ATP13A5: variants seen among roughly 807,000 people sequenced by gnomAD.
ATP13A5 encodes the protein probable cation-transporting ATPase 13A5.
Under a neutral mutation model 150.2 loss-of-function variants are expected in ATP13A5, and 149 were observed. That is an observed-to-expected ratio of 0.99 (90% CI 0.87 to 1.14). ATP13A5 has a LOEUF of 1.14. ATP13A5 is among the 50% of genes most tolerant of loss of function. The pLI is 0.00. For missense variants in ATP13A5, 1,383 were observed against 1,449.3 expected (o/e 0.95, Z 0.74); for synonymous variants, 497 against 522.2 (o/e 0.95, Z 0.66).
At chr3:193,299,352 A>T in intron 24 of ATP13A5, 149 bp from the exon 25 acceptor site, 1 of 594,546 alleles carries the variant, frequency 1.7e-6, no homozygotes, top group East Asian at 3.0e-5. Flanking sequence ...AATTATTAGC[A>T]TCTCATTTTG....
At chr3:193,276,494 A>G (rs761604732) in intron 29 of ATP13A5, among the ~76,000 whole-genome samples, 3 of 152,256 alleles carry the variant, frequency 2.0e-5, no homozygotes, top group Non-Finnish European at 4.4e-5. Context: ...CAGTGCATTC[A>G]TGGAAGCAAA....
intron 7 of ATP13A5, among the ~76,000 whole-genome samples, chr3:193,346,049 C>T (rs758726396): frequency 3.9e-5 from 6 of 152,026 alleles, no homozygotes; most frequent in Non-Finnish European, 7.4e-5. Flanking sequence ...GCTGTTAAGT[C>T]GTGAATCTTG....
chr3:193,314,143 G>C lies in ATP13A5; in HGVS notation c.2209C>G (p.Pro737Ala). 6.2e-7 allele frequency: 1 copy of C among 1,613,856 alleles called. No homozygotes were observed. The highest frequency in any genetic ancestry group is 8.5e-7 in the Non-Finnish European group (1 of 1,179,844). ...ACAATGATCACTTGGCTGCCTGGAG[G>C]GATCATTTCAGAATTCTTTGCAACA... is the stretch of plus-strand genomic sequence containing the variant. Reference protein sequence around the residue: ...ITVAKNSEMIPPGSQVIIVEA... With the variant: ...ITVAKNSEMIAPGSQVIIVEA... The change falls in exon 19 of 30, where the codon CCT becomes GCT. Residue 737 changes from proline (P) to alanine (A), a missense_variant. This residue lies in a region of ATP13A5 where 568 missense variants were observed against 621.5 expected (regional missense o/e 0.91). Coordinates refer to ENST00000342358, the MANE Select transcript of ATP13A5 (RefSeq NM_198505.4).
rs1045227726 is a variant in ATP13A5 at position 193,363,401 on chromosome 3, T to C, written c.238-19A>G. On this transcript the variant is annotated intron_variant, in intron 2 of 29. Transcript: ENST00000342358. ...ATTCGTCCTGGAAAAGACAATCCAG[T>C]TCATGAAATTCTCAAGTGTTATTCA... 1 of 1,604,626 alleles carries C rather than the reference T, an allele frequency of 6.2e-7. No individual in the cohort carries two copies. Among genetic ancestry groups the C allele is most frequent in the Non-Finnish European group, 8.5e-7 (1 of 1,174,788 alleles).
At chr3:193,288,818 A>G (rs1359531607) in intron 26 of ATP13A5, among the ~76,000 whole-genome samples, 1 of 152,116 alleles carries the variant, frequency 6.6e-6, no homozygotes, top group Non-Finnish European at 1.5e-5. Context: ...AGTCCAATAT[A>G]CTTACATTAA....
At chr3:193,376,524 T>C (rs1279412385) in intron 1 of ATP13A5, among the ~76,000 whole-genome samples, 1 of 152,194 alleles carries the variant, frequency 6.6e-6, no homozygotes, top group African/African-American at 2.4e-5. Context: ...GGGTCTCTTT[T>C]CTTTTTTTAA....
At chr3:193,346,600 C>A (rs1452076520) in intron 7 of ATP13A5, among the ~76,000 whole-genome samples, 2 of 152,002 alleles carry the variant, frequency 1.3e-5, no homozygotes, top group African/African-American at 4.8e-5. Context: ...AACTTTTTTT[C>A]TTTTAGCTGT....
rs966029195 is a variant in ATP13A5, at chr3:193,331,157, A to G, written c.1427T>C (p.Met476Thr). 3 of 1,613,860 alleles carry G rather than the reference A, an allele frequency of 1.9e-6. No homozygotes were observed. The highest frequency in any genetic ancestry group is 1.3e-5 in the African/African-American group (1 of 75,014). Residue 476 changes from methionine (M) to threonine (T), a missense_variant, in exon 12 of 30, where the codon ATG (methionine) becomes ACG (threonine). By Grantham distance (81) the Met-to-Thr change is moderately conservative. This residue lies in a region of ATP13A5 where 787 missense variants were observed against 771.9 expected (regional missense o/e 1.02). Coordinates refer to ENST00000342358, the MANE Select transcript of ATP13A5 (RefSeq NM_198505.4). ...IFCISPQRIN[M>T]CGQINLVCFD... ...GCACACGAGGTTTATTTGCCCACAC[A>G]TGTTGATTCTCTGTGGGGAGATACA...
At chr3:193,313,139 A>G (rs561593632) in intron 19 of ATP13A5, 1 of 152,374 alleles carries the variant, frequency 6.6e-6, no homozygotes, top group African/African-American at 2.4e-5. Context: ...CAAGGAAATA[A>G]GCACCAGAAA....
chr3:193,287,918 A>G (rs1034460781), intron 26 of ATP13A5, among the ~76,000 whole-genome samples: 2 of 152,162 alleles, frequency 1.3e-5, no homozygotes, highest in African/African-American at 2.4e-5. Context: ...AAACATCAAC[A>G]TTAATGGAAG....
chr3:193,299,288 A>G (rs1004078983), intron 24 of ATP13A5, 85 bp from the exon 25 acceptor site: 35 of 1,030,856 alleles, frequency 3.4e-5, no homozygotes, highest in Admixed American at 2.1e-4. Flanking sequence ...TTAAGTCGTT[A>G]GGAGGCAGCT....
At chr3:193,370,847 T>C (rs1713414102) in intron 1 of ATP13A5, among the ~76,000 whole-genome samples, 2 of 152,326 alleles carry the variant, frequency 1.3e-5, no homozygotes, top group African/African-American at 4.8e-5. Flanking sequence ...GTCTTGGAAA[T>C]GTATGTTCAA....
intron 21 of ATP13A5, among the ~76,000 whole-genome samples, chr3:193,309,428 C>G (rs1007263926): frequency 6.6e-6 from 1 of 152,126 alleles, no homozygotes; most frequent in African/African-American, 2.4e-5. Flanking sequence ...AAGATATATG[C>G]CTTATGGCCC....
At chr3:193,344,152 A>C in intron 8 of ATP13A5, 97 bp from the exon 9 acceptor site, 1 of 1,463,942 alleles carries the variant, frequency 6.8e-7, no homozygotes, top group Non-Finnish European at 9.2e-7. Flanking sequence ...GTTGGCCAAG[A>C]GCTACCCTAC....
chr3:193,331,795 A>G (rs1453237328), intron 11 of ATP13A5, among the ~76,000 whole-genome samples: 1 of 152,192 alleles, frequency 6.6e-6, no homozygotes, highest in Non-Finnish European at 1.5e-5. Context: ...GTATTAGGCT[A>G]CGTATATTAT....
In ATP13A5 at chr3:193,275,234, A is replaced by G; in HGVS notation, c.3465T>C (p.Ser1155=). The G allele has an allele frequency of 1.2e-6, 2 of 1,614,120 alleles. No individual in the cohort carries two copies. The highest frequency in any genetic ancestry group is 1.7e-6 in the Non-Finnish European group (2 of 1,180,034). ...IKREFGFYSK[S]QYRTWQKKLA... is the part of the protein sequence containing the mutation. ...GCTTCTTTTGCCAAGTCCTATATTG[A>G]CTTTTAGAGTAGAATCCAAATTCTC... is the stretch of plus-strand genomic sequence containing the variant. The change falls in exon 30 of 30, where the codon AGT becomes AGC. Residue 1155 remains serine (S), a synonymous_variant. Coordinates refer to ENST00000342358, the MANE Select transcript of ATP13A5 (RefSeq NM_198505.4).
chr3:193,312,241 T>C (rs921248936), intron 19 of ATP13A5, among the ~76,000 whole-genome samples: 8 of 152,200 alleles, frequency 5.3e-5, no homozygotes, highest in African/African-American at 1.9e-4. Flanking sequence ...CAAATAGTTA[T>C]TACAAGAATA....
chr3:193,370,043 A>G (rs1263236613), intron 1 of ATP13A5, among the ~76,000 whole-genome samples: 2 of 152,204 alleles, frequency 1.3e-5, no homozygotes, highest in Non-Finnish European at 2.9e-5. Context: ...GCCACCTGTT[A>G]GTTGAGTTGA....
chr3:193,319,177 C>T, intron 16 of ATP13A5, 69 bp from the exon 17 acceptor site: 1 of 1,125,334 alleles, frequency 8.9e-7, no homozygotes, highest in Non-Finnish European at 1.3e-6. Context: ...GACTCCAGGA[C>T]ACAGCCATTG....
Sources: allele counts gnomAD v4.1 joint callset (sites outside exome capture counted in the v4.1 genomes callset), GRCh38; gene constraint gnomAD v4.1.1; regional missense constraint gnomAD v4.1.1; transcripts MANE v1.5; gene names NCBI Gene and HGNC (gene_info 2026-07-23, HGNC 2026-07-21).